The following GMDS variants were observed in gnomAD, a reference collection of about 807,000 sequenced individuals.
The protein encoded by GMDS is GDP-mannose 4,6 dehydratase.
A neutral mutation model predicts 49.9 loss-of-function variants in GMDS; 20 were observed. That is an observed-to-expected ratio of 0.40 (90% CI 0.28 to 0.58). GMDS has a LOEUF of 0.58. Among genes scored for constraint, GMDS ranks in the 20% least tolerant of loss-of-function variants. The pLI is 0.42. For missense variants in GMDS, 362 were observed against 481.4 expected, an observed-to-expected ratio of 0.75 and a Z score of 2.32; for synonymous variants, 177 against 178.6, an observed-to-expected ratio of 0.99 and a Z score of 0.07.
chr6:2,104,113 G>A (rs908054121), intron 4 of GMDS, among the ~76,000 whole-genome samples: 7 of 152,190 alleles, frequency 4.6e-5, no homozygotes, highest in African/African-American at 1.4e-4. Flanking sequence ...ATTGCTTGCC[G>A]CTGCAACTTG....
At chr6:2,092,681 A>G (rs1773387135) in intron 4 of GMDS, among the ~76,000 whole-genome samples, 1 of 152,206 alleles carries the variant, frequency 6.6e-6, no homozygotes. Context: ...AAGGACTTTT[A>G]GCAGTGAACA....
chr6:1,702,942 C>A (rs1279967915), intron 9 of GMDS, among the ~76,000 whole-genome samples: 1 of 152,128 alleles, frequency 6.6e-6, no homozygotes, highest in African/African-American at 2.4e-5. Flanking sequence ...GGGTTTGTAT[C>A]CCAGATCACT....
intron 1 of GMDS, among the ~76,000 whole-genome samples, chr6:2,183,817 G>A (rs962205662): frequency 1.3e-5 from 2 of 152,116 alleles, no homozygotes; most frequent in Non-Finnish European, 2.9e-5. Context: ...TAAAAGGGAG[G>A]CAATACCCTC....
At chr6:2,115,702 C>T in intron 4 of GMDS, 69 bp downstream of exon 4, 3 of 812,092 alleles carry the variant, frequency 3.7e-6, no homozygotes, top group Admixed American at 3.4e-5. Context: ...CACTGAGAAG[C>T]AGCAGACACA....
chr6:2,203,858 C>T (rs1038821928), intron 1 of GMDS, among the ~76,000 whole-genome samples: 9 of 152,064 alleles, frequency 5.9e-5, no homozygotes, highest in East Asian at 1.9e-4. Context: ...AATGATCACA[C>T]GATTTCACAT....
intron 1 of GMDS, among the ~76,000 whole-genome samples, chr6:2,235,262 C>T (rs1240148117): frequency 6.6e-6 from 1 of 152,196 alleles, no homozygotes; most frequent in Non-Finnish European, 1.5e-5. Flanking sequence ...AAATGTCCTT[C>T]TGAGCTAGAC....
intron 8 of GMDS, among the ~76,000 whole-genome samples, chr6:1,739,428 G>C (rs1331513530): frequency 1.3e-5 from 2 of 152,238 alleles, no homozygotes; most frequent in Non-Finnish European, 2.9e-5. Flanking sequence ...GTCTGTCTTG[G>C]AGCACATCCT....
chr6:2,067,590 C>T (rs1326025164), intron 4 of GMDS, among the ~76,000 whole-genome samples: 2 of 151,936 alleles, frequency 1.3e-5, no homozygotes, highest in African/African-American at 4.8e-5. Flanking sequence ...GATATCACCA[C>T]CGATCCCACA....
intron 4 of GMDS, among the ~76,000 whole-genome samples, chr6:2,093,190 C>G (rs548558193): frequency 6.6e-6 from 1 of 152,206 alleles, no homozygotes; most frequent in Admixed American, 6.5e-5. Flanking sequence ...TTACCTTAAG[C>G]CATTCTTATT....
chr6:1,992,859 T>G (rs1766039269), intron 4 of GMDS, among the ~76,000 whole-genome samples: 1 of 152,152 alleles, frequency 6.6e-6, no homozygotes, highest in African/African-American at 2.4e-5. Context: ...CTGAGTGTGT[T>G]GATCTACAGG....
chr6:2,223,083 A>G (rs1201365340), intron 1 of GMDS, among the ~76,000 whole-genome samples: 1 of 151,910 alleles, frequency 6.6e-6, no homozygotes, highest in East Asian at 1.9e-4. Flanking sequence ...CCACAATGAC[A>G]TGAACCAATT....
chr6:1,675,552 A>G (rs1764590293), intron 9 of GMDS, among the ~76,000 whole-genome samples: 1 of 152,130 alleles, frequency 6.6e-6, no homozygotes, highest in Non-Finnish European at 1.5e-5. Flanking sequence ...GTTTCTCACC[A>G]TCAAGTATAA....
chr6:1,758,792 C>T (rs951191526), intron 7 of GMDS, among the ~76,000 whole-genome samples: 3 of 152,218 alleles, frequency 2.0e-5, no homozygotes, highest in Non-Finnish European at 2.9e-5. Flanking sequence ...TTCTGGATTA[C>T]AGGCGCGGTG....
intron 4 of GMDS, among the ~76,000 whole-genome samples, chr6:2,017,528 C>T (rs1340993555): frequency 3.9e-5 from 6 of 152,052 alleles, no homozygotes; most frequent in East Asian, 3.9e-4. Flanking sequence ...AGGCTGGTCT[C>T]GTACTCCCTA....
chr6:1,969,998 T>A (rs1230119596), intron 4 of GMDS, among the ~76,000 whole-genome samples: 1 of 152,186 alleles, frequency 6.6e-6, no homozygotes, highest in African/African-American at 2.4e-5. Context: ...GGCATATAAT[T>A]CCCCAATGAT....
At chr6:1,735,761 T>C (rs575317656) in intron 8 of GMDS, among the ~76,000 whole-genome samples, 1 of 152,326 alleles carries the variant, frequency 6.6e-6, no homozygotes, top group Non-Finnish European at 1.5e-5. Flanking sequence ...ATAACTCCAA[T>C]CATGATTGTG....
chr6:1,983,688 G>T (rs888782875), intron 4 of GMDS, among the ~76,000 whole-genome samples: 1 of 152,116 alleles, frequency 6.6e-6, no homozygotes, highest in Non-Finnish European at 1.5e-5. Flanking sequence ...TCTCATGCCA[G>T]TCCAAAAGGC....
rs559431351 is a variant in GMDS, at chr6:2,115,363, T to C, written c.345+408A>G. Among the ~76,000 whole-genome samples, 5 of 152,358 alleles carry C rather than the reference T, an allele frequency of 3.3e-5. No individual in the cohort carries two copies. The South Asian group carries it at 1.0e-3, about 32-fold the overall frequency. On this transcript the variant is annotated intron_variant, in intron 4 of 10. Transcript: ENST00000380815. ...AACATATTATTGGGACTCAAAAATA[T>C]TCTCTCAGCCAGTAATTTAGCCGCT...
intron 4 of GMDS, among the ~76,000 whole-genome samples, chr6:2,012,743 A>G (rs1767635565): frequency 6.6e-6 from 1 of 152,176 alleles, no homozygotes; most frequent in Admixed American, 6.5e-5. Flanking sequence ...ATTCCTGCAG[A>G]ATGAATATGC....
Sources: allele counts gnomAD v4.1 joint callset (sites outside exome capture counted in the v4.1 genomes callset), GRCh38; gene constraint gnomAD v4.1.1; transcripts MANE v1.5; gene names NCBI Gene and HGNC (gene_info 2026-07-23, HGNC 2026-07-21).